The following SCLT1 variants were observed in gnomAD, a reference collection of about 807,000 sequenced individuals.
SCLT1 encodes sodium channel and clathrin linker 1, also known as sodium channel-associated protein 1.
SCLT1 carries 78 observed loss-of-function variants against 112.8 expected under a neutral mutation model. The ratio of observed to expected loss-of-function variants is 0.69; its 90% CI spans 0.58 to 0.83. The LOEUF (loss-of-function observed/expected upper bound fraction) is 0.83, where lower values mean the gene tolerates loss of function less well. Among genes scored for constraint, SCLT1 ranks in the 40% least tolerant of loss-of-function variants. The pLI is 0.00. For synonymous variants in SCLT1, 257 were observed against 254.7 expected (o/e 1.01, Z -0.09); for missense variants, 747 against 770.4 (o/e 0.97, Z 0.36).
At chr4:128,967,299 A>T (rs985274523) in intron 10 of SCLT1, among the ~76,000 whole-genome samples, 1 of 152,158 alleles carries the variant, frequency 6.6e-6, no homozygotes, top group Non-Finnish European at 1.5e-5. Context: ...GTTATTGTGA[A>T]TAGTGCTGTG....
At chr4:129,022,942 G>T (rs577218609) in intron 5 of SCLT1, among the ~76,000 whole-genome samples, 1 of 152,174 alleles carries the variant, frequency 6.6e-6, no homozygotes, top group Non-Finnish European at 1.5e-5. Context: ...ACTAACAGCA[G>T]ATCTCTCTGC....
At chr4:129,047,567 C>T (rs1372613639) in intron 2 of SCLT1, among the ~76,000 whole-genome samples, 3 of 152,168 alleles carry the variant, frequency 2.0e-5, no homozygotes, top group Non-Finnish European at 4.4e-5. Flanking sequence ...TTCCATACTG[C>T]TCTCCACAGT....
At chr4:128,898,856 C>T (rs1422004813) in intron 18 of SCLT1, among the ~76,000 whole-genome samples, 1 of 152,160 alleles carries the variant, frequency 6.6e-6, no homozygotes, top group Non-Finnish European at 1.5e-5. Context: ...CCACCAATCT[C>T]ACAGAAATAC....
intron 13 of SCLT1, among the ~76,000 whole-genome samples, chr4:128,955,415 T>C (rs963791461): frequency 3.9e-5 from 6 of 152,242 alleles, no homozygotes; most frequent in Non-Finnish European, 8.8e-5. Context: ...GAACAATGTA[T>C]ATTTTTTACA....
intron 13 of SCLT1, among the ~76,000 whole-genome samples, chr4:128,953,706 G>A (rs1292164610): frequency 6.6e-6 from 1 of 151,376 alleles, no homozygotes; most frequent in African/African-American, 2.4e-5. Flanking sequence ...GGCTATGGCA[G>A]GAGAATGGCG....
intron 18 of SCLT1, among the ~76,000 whole-genome samples, chr4:128,922,988 TAGG>T (rs1342820327): frequency 2.0e-5 from 3 of 152,168 alleles, no homozygotes; most frequent in Non-Finnish European, 2.9e-5. Flanking sequence ...ATCAGAATCT[TAGG>T]AGGACAGGAG....
At chr4:128,930,860 T>G (rs1736701537) in intron 18 of SCLT1, among the ~76,000 whole-genome samples, 2 of 152,112 alleles carry the variant, frequency 1.3e-5, no homozygotes, top group Non-Finnish European at 2.9e-5. Context: ...GAGGGTGCAG[T>G]GAAGAATTCA....
intron 2 of SCLT1, among the ~76,000 whole-genome samples, chr4:129,056,943 T>C (rs1438181055): frequency 6.6e-6 from 1 of 152,266 alleles, no homozygotes. Flanking sequence ...ACTTTTACGC[T>C]GTCAGAATAA....
Position 128,959,620 on chromosome 4 carries a change from C to T in SCLT1, c.1027G>A (p.Ala343Thr), listed in dbSNP as rs868690937. The part of the protein sequence containing the change: ...ARNSMQLLEE[A>T]NLQKSQALLE... Reference sequence around the variant, plus strand: ...CTTACCTGACTTTTTTGAAGGTTAGCTTCTTCTAAGAGTTGCATGCTATTT... The same window carrying T: ...CTTACCTGACTTTTTTGAAGGTTAGTTTCTTCTAAGAGTTGCATGCTATTT... The change falls in exon 12 of 21, where the codon GCT becomes ACT. Residue 343 changes from alanine to threonine, a missense_variant. By Grantham distance (58) the Ala-to-Thr change is moderately conservative (BLOSUM62 0). Transcript: ENST00000281142. 3.1e-6 allele frequency: 5 copies of T among 1,613,100 alleles called. No homozygotes were observed. The highest frequency in any genetic ancestry group is 4.2e-6 in the Non-Finnish European group (5 of 1,179,586).
In SCLT1 at chr4:128,997,954, TA is replaced by T; in HGVS notation, c.550-16del. On this transcript the variant is annotated splice_polypyrimidine_tract_variant and intron_variant, in intron 7 of 20. Coordinates refer to ENST00000281142, the MANE Select transcript of SCLT1 (RefSeq NM_144643.4). ...AATAGCTGATCCTACAGTGGGAAGG[TA>T]AGGGGAGTATATAAATAGCATTTTG... The T allele has an allele frequency of 7.2e-7, 1 of 1,390,564 alleles. No homozygotes were observed. Among genetic ancestry groups the T allele is most frequent in the Non-Finnish European group, 9.7e-7 (1 of 1,036,104 alleles). 86.1% of individuals were successfully genotyped at this position (1,390,564 alleles called of 1,614,324 possible).
chr4:128,931,754 A>G (rs974795460), intron 18 of SCLT1, among the ~76,000 whole-genome samples: 4 of 152,126 alleles, frequency 2.6e-5, no homozygotes, highest in Non-Finnish European at 4.4e-5. Flanking sequence ...GAGCCACCGC[A>G]CCCGGCCTAC....
chr4:128,970,967 C>G (rs1253785660), intron 9 of SCLT1: 1 of 152,084 alleles, frequency 6.6e-6, no homozygotes, highest in Non-Finnish European at 1.5e-5. Context: ...AACATTTGTT[C>G]CACCATAATA....
chr4:129,031,875 G>T (rs1375329858), intron 5 of SCLT1, among the ~76,000 whole-genome samples: 2 of 152,036 alleles, frequency 1.3e-5, no homozygotes, highest in Non-Finnish European at 1.5e-5. Context: ...TGGTCATATT[G>T]CCCAAAGTAA....
intron 18 of SCLT1, among the ~76,000 whole-genome samples, chr4:128,925,155 T>C (rs780142209): frequency 1.3e-5 from 2 of 152,112 alleles, no homozygotes; most frequent in East Asian, 1.9e-4. Flanking sequence ...AATGCGTTGA[T>C]TGCAACTTTA....
At chr4:129,017,674 A>G (rs1745111908) in intron 5 of SCLT1, among the ~76,000 whole-genome samples, 1 of 152,200 alleles carries the variant, frequency 6.6e-6, no homozygotes, top group African/African-American at 2.4e-5. Context: ...TACATAAGCA[A>G]GTCAAAATGT....
At chr4:128,955,756 T>C (rs1739167832) in intron 13 of SCLT1, among the ~76,000 whole-genome samples, 1 of 152,236 alleles carries the variant, frequency 6.6e-6, no homozygotes, top group South Asian at 2.1e-4. Flanking sequence ...TATTTTCTCA[T>C]ACATATTTTC....
chr4:129,078,498 C>G (rs920352581), intron 2 of SCLT1, among the ~76,000 whole-genome samples: 1 of 151,860 alleles, frequency 6.6e-6, no homozygotes, highest in African/African-American at 2.4e-5. Flanking sequence ...ATGAAAGATT[C>G]TCTATCACTT....
chr4:128,876,523 A>G (rs535322989), exon 4 of SCLT1: 1 of 152,376 alleles, frequency 6.6e-6, no homozygotes, highest in East Asian at 1.9e-4. Context: ...AGCATTAGCC[A>G]TCTGCAACAA....
In SCLT1 at chr4:128,884,175, A is replaced by G; in HGVS notation, c.*302T>C. 4.3e-6 allele frequency: 1 copy of G among 234,932 alleles called. No homozygotes were observed. Among genetic ancestry groups the G allele is most frequent in the Non-Finnish European group, 8.1e-6 (1 of 123,456 alleles). The allele number at this position is 234,932 out of a possible 1,614,324, so 14.6% of individuals were successfully genotyped here. ...ATGAAAGAGAAATTTGCATAGTTTG[A>G]AAATTATTATGTCCTTTCAAGGGAA... On this transcript the variant is annotated 3_prime_UTR_variant, in exon 21 of 21. Coordinates refer to ENST00000281142, the MANE Select transcript of SCLT1 (RefSeq NM_144643.4).
Sources: gnomAD v4.1 joint callset for allele counts (sites outside exome capture counted in the v4.1 genomes callset) on GRCh38, gnomAD v4.1.1 for gene constraint, MANE v1.5 for transcripts, NCBI Gene and HGNC (gene_info 2026-07-23, HGNC 2026-07-21) for gene names.